Variants in CAST observed in about 807,000 individuals in gnomAD.
The protein encoded by CAST is MIR583 host.
In CAST, 76 loss-of-function variants were observed where a neutral mutation model predicts 119.6. The observed-to-expected ratio is 0.64, with a 90% CI of 0.53 to 0.77. CAST has a LOEUF of 0.77. Ranked by LOEUF, CAST falls within the 30% of genes least tolerant of loss-of-function variation. The pLI, the probability that CAST is intolerant of heterozygous loss-of-function variation, is 0.00. For synonymous variants in CAST, 319 were observed against 331.6 expected (o/e 0.96, Z 0.41); for missense variants, 953 against 946.5 (o/e 1.01, Z -0.09).
the CAST span, among the ~76,000 whole-genome samples, chr5:96,452,702 G>A: frequency 7.3e-6 from 1 of 136,426 alleles, no homozygotes; most frequent in Non-Finnish European, 1.5e-5. Context: ...TGTAATCCCA[G>A]CACTTTGGGA....
At chr5:96,372,614 A>G in the CAST span, among the ~76,000 whole-genome samples, 2 of 152,192 alleles carry the variant, frequency 1.3e-5, no homozygotes, top group Non-Finnish European at 2.9e-5. Flanking sequence ...AGGAATAGCC[A>G]GGGGGTTATG....
chr5:96,109,080 G>T, the CAST span, among the ~76,000 whole-genome samples: 72 of 152,184 alleles, frequency 4.7e-4, 1 homozygote, highest in Non-Finnish European at 1.3e-4. Context: ...GCCCTGCTTC[G>T]GCTTGCGCAC....
At chr5:96,338,071 CTT>C in the CAST span, among the ~76,000 whole-genome samples, 2 of 152,166 alleles carry the variant, frequency 1.3e-5, no homozygotes, top group Admixed American at 1.3e-4. Context: ...AGTAAATAGA[CTT>C]GACTTTACTA....
the CAST span, among the ~76,000 whole-genome samples, chr5:96,311,476 C>T: frequency 6.6e-6 from 1 of 151,936 alleles, no homozygotes; most frequent in African/African-American, 2.4e-5. Flanking sequence ...TCCACATGTC[C>T]ATTATGAAAA....
At chr5:96,214,676 A>G in the CAST span, among the ~76,000 whole-genome samples, 1 of 152,170 alleles carries the variant, frequency 6.6e-6, no homozygotes, top group Non-Finnish European at 1.5e-5. Context: ...GAGAGGAGAG[A>G]AAATTAAAAC....
At chr5:96,392,808 T>C in the CAST span, 2 of 648,946 alleles carry the variant, frequency 3.1e-6, no homozygotes, top group Middle Eastern at 5.8e-4. Flanking sequence ...ATACCTATGA[T>C]CAATTCTGGA....
At chr5:96,231,591 T>G in the CAST span, among the ~76,000 whole-genome samples, 1 of 152,088 alleles carries the variant, frequency 6.6e-6, no homozygotes, top group African/African-American at 2.4e-5. Context: ...CTGTAAATAT[T>G]CTAAATACCA....
At chr5:96,466,124 G>A in the CAST span, among the ~76,000 whole-genome samples, 2 of 152,074 alleles carry the variant, frequency 1.3e-5, no homozygotes, top group South Asian at 2.1e-4. Flanking sequence ...TCTAACGCAT[G>A]TAACAGTGAA....
At position 96,730,890 on chromosome 5, in the gene CAST, G is replaced by C. The variant is rs201221875; in HGVS notation, c.630+30G>C. 2.3e-4 allele frequency: 344 copies of C among 1,517,232 alleles called. 1 individual carries two copies. In the African/African-American group the frequency reaches 4.5e-3, roughly 20 times the overall value. The allele number at this position is 1,517,232 out of a possible 1,614,324, so 94.0% of individuals were successfully genotyped here. ...GCACACACAAGCAGACGGAAACGTG[G>C]GCCTCTGTGCTTCTCAAGTTTCTTT... is the stretch of plus-strand genomic sequence containing the variant. On this transcript the variant is annotated intron_variant, in intron 9 of 31. Coordinates refer to ENST00000675179, the MANE Select transcript of CAST (RefSeq NM_001750.7).
At chr5:96,768,518 T>C in intron 29 of CAST, 2 of 391,374 alleles carry the variant, frequency 5.1e-6, no homozygotes, top group South Asian at 4.0e-5. Context: ...TTTCTATATG[T>C]ATATTTTACA....
At chr5:95,969,785 G>GA in the CAST span, among the ~76,000 whole-genome samples, 5 of 152,158 alleles carry the variant, frequency 3.3e-5, no homozygotes, top group African/African-American at 1.2e-4. Context: ...GTTTAGGTTA[G>GA]CGGTATCAGT....
chr5:96,535,482 A>G (rs767178607), intron 1 of CAST, among the ~76,000 whole-genome samples: 21 of 152,172 alleles, frequency 1.4e-4, no homozygotes, highest in Non-Finnish European at 2.8e-4. Flanking sequence ...GGGGAGGAAG[A>G]ACAGGCATAG....
the CAST span, among the ~76,000 whole-genome samples, chr5:96,192,473 G>A: frequency 6.6e-6 from 1 of 152,190 alleles, no homozygotes; most frequent in African/African-American, 2.4e-5. Flanking sequence ...ATCTCATTGG[G>A]ATGAACATAG....
At chr5:96,689,582 G>A (rs1275013463) in intron 2 of CAST, among the ~76,000 whole-genome samples, 2 of 152,112 alleles carry the variant, frequency 1.3e-5, no homozygotes, top group Non-Finnish European at 2.9e-5. Context: ...ATACATGTGT[G>A]CACACATGAG....
At chr5:96,240,192 A>G in the CAST span, among the ~76,000 whole-genome samples, 1 of 152,182 alleles carries the variant, frequency 6.6e-6, no homozygotes, top group Non-Finnish European at 1.5e-5. Context: ...TGAGCAATAG[A>G]TTACCTATGC....
the CAST span, among the ~76,000 whole-genome samples, chr5:96,462,599 A>G: frequency 6.6e-6 from 1 of 152,094 alleles, no homozygotes; most frequent in African/African-American, 2.4e-5. Flanking sequence ...CCAGGTATCC[A>G]CTTCTCAATA....
upstream of CAST, among the ~76,000 whole-genome samples, chr5:96,657,156 G>A (rs932245598): frequency 1.3e-4 from 20 of 152,304 alleles, no homozygotes; most frequent in African/African-American, 3.4e-4. Flanking sequence ...GACCTTAGGC[G>A]TACCTTGGAA....
intron 14 of CAST, 50 bp from the exon 15 acceptor site, chr5:96,741,444 G>A (rs1389429206): frequency 5.9e-6 from 9 of 1,519,390 alleles, no homozygotes; most frequent in Middle Eastern, 1.7e-4. Flanking sequence ...GGCTATTACA[G>A]TTAAACTTTC....
chr5:95,997,252 C>A, the CAST span, among the ~76,000 whole-genome samples: 1 of 152,110 alleles, frequency 6.6e-6, no homozygotes, highest in Non-Finnish European at 1.5e-5. Context: ...ATGTTTCTTT[C>A]TAAAGAGGGT....
Sources: gnomAD v4.1 joint callset for allele counts (sites outside exome capture counted in the v4.1 genomes callset) on GRCh38, gnomAD v4.1.1 for gene constraint, MANE v1.5 for transcripts, NCBI Gene and HGNC (gene_info 2026-07-23, HGNC 2026-07-21) for gene names.